The following SOX6 variants were observed in gnomAD, a reference collection of about 807,000 sequenced individuals.
The protein encoded by SOX6 is transcription factor SOX-6.
In SOX6, 11 loss-of-function variants were observed where a neutral mutation model predicts 97.8. The observed-to-expected ratio is 0.11, with a 90% CI of 0.07 to 0.19. The LOEUF is 0.19. Ranked by LOEUF, SOX6 falls within the 10% of genes least tolerant of loss-of-function variation. SOX6 has a pLI of 1.00. For synonymous variants in SOX6, 360 were observed against 371.4 expected, an observed-to-expected ratio of 0.97 and a Z score of 0.35; for missense variants, 810 against 1,039.5, an observed-to-expected ratio of 0.78 and a Z score of 3.04.
intron 5 of SOX6, among the ~76,000 whole-genome samples, chr11:16,186,529 T>C (rs1417799461): frequency 6.6e-6 from 1 of 152,184 alleles, no homozygotes; most frequent in Admixed American, 6.5e-5. Context: ...AAATCATTAA[T>C]CAAATCCAAA....
intron 13 of SOX6, among the ~76,000 whole-genome samples, chr11:16,008,318 T>G (rs1854617057): frequency 6.6e-6 from 1 of 152,112 alleles, no homozygotes; most frequent in Non-Finnish European, 1.5e-5. Flanking sequence ...ACTATATTTC[T>G]ATGTGATTCA....
chr11:15,972,848 G>C lies in SOX6; in HGVS notation c.2448C>G (p.Ser816Arg). The C allele has an allele frequency of 6.2e-7, 1 of 1,614,160 alleles. No homozygotes were observed. The highest frequency in any genetic ancestry group is 8.5e-7 in the Non-Finnish European group (1 of 1,180,022). The stretch of plus-strand genomic sequence containing the variant: ...CAGCCTCCGGGGCTTCATTTTCACT[G>C]CTATAGTCTGATTTGGGGTCATCTT... ...DYEDDPKSDY[S>R]SENEAPEAVS... The change falls in exon 16 of 16, where the codon AGC becomes AGG. Residue 816 changes from serine (S) to arginine (R), a missense_variant. Physicochemically the swap from Ser to Arg is moderately radical, Grantham distance 110. Around this residue, in one of 9 missense-constraint regions of SOX6, gnomAD observed 122 missense variants for 153.4 expected, o/e 0.80. Transcript: ENST00000683767.
intron 4 of SOX6, among the ~76,000 whole-genome samples, chr11:16,223,334 T>C (rs1175566254): frequency 6.6e-6 from 1 of 152,054 alleles, no homozygotes; most frequent in African/African-American, 2.4e-5. Context: ...CATTTCTTTA[T>C]CGAGATAAGA....
intron 1 of SOX6, among the ~76,000 whole-genome samples, chr11:16,411,878 A>C (rs1858827873): frequency 6.6e-6 from 1 of 152,180 alleles, no homozygotes; most frequent in African/African-American, 2.4e-5. Context: ...AAGCAAATCT[A>C]TTAACAATTA....
intron 4 of SOX6, among the ~76,000 whole-genome samples, chr11:16,202,037 C>T (rs983805090): frequency 7.9e-5 from 12 of 151,944 alleles, no homozygotes. Context: ...AAGATCATTC[C>T]GATTTTTCCC....
intron 3 of SOX6, among the ~76,000 whole-genome samples, chr11:16,641,610 C>T (rs971504647): frequency 4.6e-5 from 7 of 152,140 alleles, no homozygotes; most frequent in African/African-American, 1.2e-4. Context: ...TGCATATATA[C>T]TTAGGATAGT....
chr11:16,324,412 T>C (rs1470604667), intron 2 of SOX6, among the ~76,000 whole-genome samples: 1 of 152,158 alleles, frequency 6.6e-6, no homozygotes, highest in Non-Finnish European at 1.5e-5. Flanking sequence ...ACCTAGTTAT[T>C]CCAATTGTAG....
intron 3 of SOX6, among the ~76,000 whole-genome samples, chr11:16,614,260 A>G (rs1848440674): frequency 6.6e-6 from 1 of 151,736 alleles, no homozygotes; most frequent in Non-Finnish European, 1.5e-5. Flanking sequence ...CTCAGAGCTG[A>G]CTCCGTACTC....
chr11:16,203,027 A>G (rs1851980286), intron 4 of SOX6, among the ~76,000 whole-genome samples: 1 of 152,148 alleles, frequency 6.6e-6, no homozygotes, highest in South Asian at 2.1e-4. Flanking sequence ...GTTAGTAAAT[A>G]CTAATAAAAG....
intron 6 of SOX6, among the ~76,000 whole-genome samples, chr11:16,138,811 T>C (rs1850049073): frequency 2.0e-5 from 3 of 152,266 alleles, no homozygotes; most frequent in South Asian, 2.1e-4. Flanking sequence ...TTTGGTTTTT[T>C]GTCCTTGCGA....
At chr11:16,688,027 C>T (rs997054602) in intron 3 of SOX6, among the ~76,000 whole-genome samples, 1 of 152,006 alleles carries the variant, frequency 6.6e-6, no homozygotes, top group African/African-American at 2.4e-5. Flanking sequence ...GGCTGGAGTG[C>T]AGTGGCATGA....
At chr11:16,034,797 A>G (rs1855475349) in intron 12 of SOX6, among the ~76,000 whole-genome samples, 1 of 152,190 alleles carries the variant, frequency 6.6e-6, no homozygotes, top group South Asian at 2.1e-4. Context: ...AGAGACAGAC[A>G]TAGACATGGA....
At chr11:16,504,458 G>A (rs1038868243) in intron 4 of SOX6, among the ~76,000 whole-genome samples, 29 of 151,426 alleles carry the variant, frequency 1.9e-4, no homozygotes, top group Admixed American at 1.9e-3. Context: ...AATTAGCTGA[G>A]AAAGAAATCA....
chr11:16,136,178 C>A (rs1308785114), intron 6 of SOX6, among the ~76,000 whole-genome samples: 1 of 151,784 alleles, frequency 6.6e-6, no homozygotes, highest in East Asian at 1.9e-4. Flanking sequence ...ACCAACACGC[C>A]CAGCTAATTT....
upstream of SOX6, among the ~76,000 whole-genome samples, chr11:16,359,428 G>A (rs144831439): frequency 3.2e-3 from 486 of 152,042 alleles, no homozygotes; most frequent in Non-Finnish European, 3.6e-3. Context: ...GGAAATCATT[G>A]GATTAACATA....
Position 16,610,515 on chromosome 11 carries a change from C to CCACTGAAGG in SOX6, n.609+1557_609+1565dup, listed in dbSNP as rs1179772584. On this transcript the variant is annotated intron_variant and non_coding_transcript_variant, in intron 4 of 5. Transcript: ENST00000524520. The surrounding 1 kb of genome is among the most constrained non-coding windows in gnomAD (Gnocchi z 4.4). Reference sequence around the variant, plus strand: ...GAGACATTATCAAGATCTCTGGCGTCCACTGAAGGCCCTAATACCCGGCCG... The same window carrying CCACTGAAGG: ...GAGACATTATCAAGATCTCTGGCGTCCACTGAAGGCACTGAAGGCCCTAATACCCGGCCG... Among the ~76,000 whole-genome samples, 2 of 152,182 alleles carry CCACTGAAGG rather than the reference C, an allele frequency of 1.3e-5. No homozygotes were observed. The highest frequency in any genetic ancestry group is 4.8e-5 in the African/African-American group (2 of 41,438).
At chr11:16,723,252 C>A (rs12361245) in intron 2 of SOX6, among the ~76,000 whole-genome samples, 82,146 of 151,820 alleles carry the variant, frequency 0.54, 22,865 homozygotes, top group Admixed American at 0.63. Flanking sequence ...ACATGTTTTC[C>A]CTTATAAGAG....
At chr11:16,324,297 T>C (rs916371858) in intron 2 of SOX6, among the ~76,000 whole-genome samples, 1 of 152,028 alleles carries the variant, frequency 6.6e-6, no homozygotes, top group Admixed American at 6.6e-5. Flanking sequence ...TATTAAAACA[T>C]AAGGAATTGA....
At chr11:16,658,384 T>C (rs1292201974) in intron 3 of SOX6, among the ~76,000 whole-genome samples, 1 of 152,216 alleles carries the variant, frequency 6.6e-6, no homozygotes, top group South Asian at 2.1e-4. Flanking sequence ...ATATGTTCTA[T>C]ACTAATCCTT....
Sources: allele counts gnomAD v4.1 joint callset (sites outside exome capture counted in the v4.1 genomes callset), GRCh38; gene constraint gnomAD v4.1.1; regional missense constraint gnomAD v4.1.1; non-coding constraint Gnocchi (gnomAD v3.1); transcripts MANE v1.5; gene names NCBI Gene and HGNC (gene_info 2026-07-23, HGNC 2026-07-21).